Variants in BTBD8 observed in about 807,000 individuals in gnomAD.
The protein encoded by BTBD8 is BTB/POZ domain-containing protein 8.
A neutral mutation model predicts 162.9 loss-of-function variants in BTBD8; 110 were observed. That is an observed-to-expected ratio of 0.68 (90% CI 0.58 to 0.79). The LOEUF (loss-of-function observed/expected upper bound fraction) is 0.79, where lower values mean the gene tolerates loss of function less well. Among genes scored for constraint, BTBD8 ranks in the 30% least tolerant of loss-of-function variants. The probability of loss-of-function intolerance (pLI) is 0.00; values close to 1 mark genes in which losing one functional copy is unlikely to be tolerated. For missense variants in BTBD8, 1,905 were observed against 2,085.4 expected (o/e 0.91, Z 1.68); for synonymous variants, 667 against 716.1 (o/e 0.93, Z 1.10).
intron 4 of BTBD8, among the ~76,000 whole-genome samples, chr1:92,109,062 T>G (rs990721370): frequency 1.3e-5 from 2 of 152,222 alleles, no homozygotes; most frequent in Non-Finnish European, 2.9e-5. Context: ...ATTCAAAATT[T>G]GAACTTTTCT....
intron 9 of BTBD8, among the ~76,000 whole-genome samples, chr1:92,152,687 A>G (rs568684796): frequency 6.6e-6 from 1 of 152,118 alleles, no homozygotes; most frequent in South Asian, 2.1e-4. Context: ...AGTGGTAGGT[A>G]TGTGATTTTA....
In BTBD8 at chr1:92,184,086, T is replaced by G. The variant is rs1651008184; in HGVS notation, c.5135T>G (p.Leu1712Ter). Residue 1712 changes from leucine to a stop codon, truncating the protein, a stop_gained, in exon 18 of 18, where the codon TTA becomes TGA. Transcript: ENST00000636805. LOFTEE classifies it high-confidence loss of function. ...CTGCTCTCTGAACAGGATTCAAACT[T>G]AGATGTTACAAATTCCGTTCCTGAA... ...KQLLSEQDSN[L>*]DVTNSVPEDL... 6.4e-7 allele frequency: 1 copy of G among 1,551,548 alleles called. No individual in the cohort carries two copies.
chr1:92,154,109 A>T (rs1011244594), intron 9 of BTBD8, among the ~76,000 whole-genome samples: 1 of 152,134 alleles, frequency 6.6e-6, no homozygotes, highest in African/African-American at 2.4e-5. Flanking sequence ...TCACCATGTG[A>T]TGTGCCTGCT....
intron 1 of BTBD8, among the ~76,000 whole-genome samples, chr1:92,086,334 G>A (rs974834178): frequency 1.3e-5 from 2 of 152,182 alleles, no homozygotes; most frequent in African/African-American, 2.4e-5. Flanking sequence ...CTGGACCGCA[G>A]ACATGTTCCA....
chr1:92,181,875 A>G lies in BTBD8; in HGVS notation c.4192A>G (p.Asn1398Asp), dbSNP rs1650919241. The G allele has an allele frequency of 1.0e-5, 16 of 1,551,056 alleles. No homozygotes were observed. The highest frequency in any genetic ancestry group is 2.4e-5 in the East Asian group (1 of 40,900). Residue 1398 changes from asparagine (N) to aspartate (D), a missense_variant, in exon 17 of 18, where the codon AAT becomes GAT. Around this residue, in one of 3 missense-constraint regions of BTBD8, gnomAD observed 517 missense variants for 606.6 expected, o/e 0.85. Transcript: ENST00000636805. ...ATCTGAAGCTGAAAACGTTGCAGAA[A>G]ATTTCTCTATATCTAACCCAGCTCC... ...ERSEAENVAE[N>D]FSISNPAPQQ...
At chr1:92,108,092 C>G (rs980066663) in intron 4 of BTBD8, 91 bp downstream of exon 4, 1 of 1,220,902 alleles carries the variant, frequency 8.2e-7, no homozygotes, top group East Asian at 2.3e-5. Flanking sequence ...TTTTCAAACT[C>G]TGGTTTTCAC....
At chr1:92,108,630 G>C (rs906013465) in intron 4 of BTBD8, among the ~76,000 whole-genome samples, 1 of 152,136 alleles carries the variant, frequency 6.6e-6, no homozygotes, top group Non-Finnish European at 1.5e-5. Flanking sequence ...GTTTTAGTCA[G>C]GCTCTTTGAT....
chr1:92,181,048 C>G lies in BTBD8; in HGVS notation c.3365C>G (p.Ser1122Ter), dbSNP rs1177202851. 6.4e-7 allele frequency: 1 copy of G among 1,551,602 alleles called. No individual in the cohort carries two copies. The highest frequency in any genetic ancestry group is 1.4e-5 in the African/African-American group (1 of 73,018). Residue 1122 changes from serine to a stop codon, truncating the protein, a stop_gained, in exon 17 of 18, where the codon TCA becomes TGA. Transcript: ENST00000636805. LOFTEE classifies it high-confidence loss of function. ...AGTGCAGGGCAAATCCATTTGATAT[C>G]AGATAGGGAGAACCAAGTAGGGAGA... The part of the protein sequence containing the change: ...STSAGQIHLI[S>*]DRENQVGRKD...
At chr1:92,163,151 G>A (rs766671741) in intron 9 of BTBD8, among the ~76,000 whole-genome samples, 26 of 151,680 alleles carry the variant, frequency 1.7e-4, no homozygotes, top group African/African-American at 5.1e-4. Flanking sequence ...TCAGGAGATC[G>A]AGACCATCCT....
At chr1:92,179,231 G>A (rs1650813340) in intron 16 of BTBD8, among the ~76,000 whole-genome samples, 1 of 136,354 alleles carries the variant, frequency 7.3e-6, no homozygotes, top group Admixed American at 7.5e-5. Context: ...GGGCGACAGA[G>A]CGAGACTCTA....
intron 9 of BTBD8, among the ~76,000 whole-genome samples, chr1:92,164,597 T>G (rs1650343012): frequency 6.6e-6 from 1 of 151,198 alleles, no homozygotes; most frequent in Admixed American, 6.6e-5. Context: ...CCAGCCTGGG[T>G]GACAGAGCGA....
chr1:92,129,491 AC>A lies in BTBD8; in HGVS notation c.663-195del, dbSNP rs111721193. ...ACAGAGGAAGATCCTGTCTCTTAAA[AC>A]AAAAAACAAAAAAAAAACCCTTAGG... On this transcript the variant is annotated intron_variant, in intron 4 of 17. Coordinates refer to ENST00000636805, the MANE Select transcript of BTBD8 (RefSeq NM_001376131.1). 5.3e-3 allele frequency among the ~76,000 whole-genome samples: 811 copies of A among 152,124 alleles called. 3 individuals are homozygous for A. The highest frequency in any genetic ancestry group is 0.019 in the African/African-American group (775 of 41,484).
chr1:92,108,296 T>C (rs996041923), intron 4 of BTBD8, among the ~76,000 whole-genome samples: 4 of 152,278 alleles, frequency 2.6e-5, no homozygotes, highest in Non-Finnish European at 5.9e-5. Flanking sequence ...GCATTGGGCA[T>C]GAACCTAAGA....
intron 9 of BTBD8, among the ~76,000 whole-genome samples, chr1:92,159,803 CT>C (rs1010737056): frequency 3.3e-5 from 5 of 152,134 alleles, no homozygotes; most frequent in African/African-American, 1.2e-4. Context: ...ACATAAGTTG[CT>C]TTTTTCTTGC....
At chr1:92,169,247 C>T (rs531633383) in intron 12 of BTBD8, among the ~76,000 whole-genome samples, 2 of 152,228 alleles carry the variant, frequency 1.3e-5, no homozygotes, top group South Asian at 4.1e-4. Flanking sequence ...CAACAATGTT[C>T]TAGGCAAATT....
intron 2 of BTBD8, among the ~76,000 whole-genome samples, chr1:92,091,627 C>T (rs901181350): frequency 1.3e-5 from 2 of 152,096 alleles, no homozygotes; most frequent in South Asian, 4.2e-4. Context: ...CTCCGCCTCC[C>T]GGTCGCCATT....
At chr1:92,133,187 T>C (rs972541591) in intron 5 of BTBD8, among the ~76,000 whole-genome samples, 2 of 152,180 alleles carry the variant, frequency 1.3e-5, no homozygotes, top group Non-Finnish European at 2.9e-5. Flanking sequence ...AAGTGTGGTG[T>C]CATAGAAGGA....
chr1:92,150,473 C>T (rs1371664683), intron 9 of BTBD8: 1 of 152,188 alleles, frequency 6.6e-6, no homozygotes, highest in Non-Finnish European at 1.5e-5. Context: ...ACAAATGTGG[C>T]AGGTTCATGG....
chr1:92,096,492 C>T (rs1343588724), intron 2 of BTBD8, among the ~76,000 whole-genome samples: 1 of 151,990 alleles, frequency 6.6e-6, no homozygotes, highest in Non-Finnish European at 1.5e-5. Context: ...CACAGTCATG[C>T]TAACCACCAG....
Sources: allele counts gnomAD v4.1 joint callset (sites outside exome capture counted in the v4.1 genomes callset), GRCh38; gene constraint gnomAD v4.1.1; regional missense constraint gnomAD v4.1.1; transcripts MANE v1.5; gene names NCBI Gene and HGNC (gene_info 2026-07-23, HGNC 2026-07-21).